CPNE5: variants seen among roughly 807,000 people sequenced by gnomAD.
CPNE5 encodes the protein copine 5, also known as copine-5.
CPNE5 carries 42 observed loss-of-function variants against 81.1 expected under a neutral mutation model. The observed-to-expected ratio is 0.52, with a 90% confidence interval of 0.40 to 0.67. The LOEUF (loss-of-function observed/expected upper bound fraction) is 0.67. CPNE5 is among the 30% of genes least tolerant of loss of function. CPNE5 has a pLI of 0.00. For synonymous variants in CPNE5, 313 were observed against 321.5 expected (o/e 0.97, Z 0.28); for missense variants, 612 against 815.5 (o/e 0.75, Z 3.04).
intron 20 of CPNE5, chr6:36,742,977 G>A (rs540519478): frequency 1.7e-5 from 17 of 985,336 alleles, no homozygotes; most frequent in Middle Eastern, 5.2e-4. Flanking sequence ...CATCCTGAGC[G>A]CCTCTTCTGG....
intron 1 of CPNE5, among the ~76,000 whole-genome samples, chr6:36,831,638 CAAAAAAAA>C (rs35409136): frequency 1.2e-5 from 1 of 83,932 alleles, no homozygotes; most frequent in African/African-American, 4.7e-5. Flanking sequence ...GACACCATCT[CAAAAAAAA>C]AAAAAAAAAA....
chr6:36,744,413 G>T, intron 18 of CPNE5, 88 bp from the exon 19 acceptor site: 2 of 1,012,902 alleles, frequency 2.0e-6, no homozygotes, highest in South Asian at 1.4e-5. Flanking sequence ...GGACAGGAAG[G>T]GGTGGGCAGG....
intron 3 of CPNE5, among the ~76,000 whole-genome samples, chr6:36,820,813 G>T (rs2150584017): frequency 6.6e-6 from 1 of 152,104 alleles, no homozygotes; most frequent in African/African-American, 2.4e-5. Flanking sequence ...GCCAGGCTTG[G>T]TGGCATGTGC....
chr6:36,828,234 C>A (rs1486896226), intron 1 of CPNE5, among the ~76,000 whole-genome samples: 2 of 145,068 alleles, frequency 1.4e-5, no homozygotes, highest in Non-Finnish European at 3.0e-5. Flanking sequence ...GAGGGAGGAT[C>A]ACTTGAGCTC....
intron 12 of CPNE5, among the ~76,000 whole-genome samples, chr6:36,760,700 G>A (rs1280856979): frequency 4.6e-5 from 7 of 152,316 alleles, no homozygotes; most frequent in South Asian, 4.1e-4. Flanking sequence ...AAGCCGGCTC[G>A]CCAGGAGGAC....
chr6:36,780,254 C>T (rs1767922660), intron 8 of CPNE5, among the ~76,000 whole-genome samples: 1 of 152,190 alleles, frequency 6.6e-6, no homozygotes. Flanking sequence ...TGAGCCACTG[C>T]ACCTGGCCCC....
rs12198675 is a variant in CPNE5, at chr6:36,766,581, A to T, written c.738-1205T>A. Among the ~76,000 whole-genome samples, 75,285 of 151,872 alleles carry T rather than the reference A, an allele frequency of 0.5. 19,291 individuals carry two copies. Among genetic ancestry groups the T allele is most frequent in the Non-Finnish European group, 0.57 (38,823 of 67,922 alleles). ...TGAATTATTGTGGAAAGGAAAAAAAAATCACCTAAGCCCCTGAAGGTGGGT... is the reference window on the plus strand; with the variant it reads ...TGAATTATTGTGGAAAGGAAAAAAATATCACCTAAGCCCCTGAAGGTGGGT... On this transcript the variant is annotated intron_variant, in intron 10 of 20. Coordinates refer to ENST00000244751, the MANE Select transcript of CPNE5 (RefSeq NM_020939.2). This position sits in a 1 kb window ranked among gnomAD's most constrained non-coding sequence, Gnocchi z 4.2.
rs1332893240 is a variant in CPNE5, at chr6:36,742,070, C to G, written c.*198G>C. On this transcript the variant is annotated 3_prime_UTR_variant, in exon 21 of 21. Coordinates refer to ENST00000244751, the MANE Select transcript of CPNE5 (RefSeq NM_020939.2). ...GTGTACCCCTCTTTCACCCGTACCC[C>G]CCTAACTCCCTGGGTTTGGGCAATA... 5 of 578,784 alleles carry G rather than the reference C, an allele frequency of 8.6e-6. No individual in the cohort carries two copies. The highest frequency in any genetic ancestry group is 1.5e-5 in the Non-Finnish European group (5 of 325,468). The allele number at this position is 578,784 out of a possible 1,614,324, so 35.9% of individuals were successfully genotyped here.
intron 8 of CPNE5, among the ~76,000 whole-genome samples, chr6:36,788,844 C>G (rs931530657): frequency 1.3e-5 from 2 of 152,294 alleles, no homozygotes; most frequent in Non-Finnish European, 2.9e-5. Flanking sequence ...TTTCTATAAC[C>G]TGTCAAACTA....
At chr6:36,743,411 T>C (rs1474920859) in intron 20 of CPNE5, among the ~76,000 whole-genome samples, 1 of 152,184 alleles carries the variant, frequency 6.6e-6, no homozygotes, top group Admixed American at 6.5e-5. Flanking sequence ...CACAGAGGCC[T>C]GGAGGCTGAG....
intron 12 of CPNE5, among the ~76,000 whole-genome samples, chr6:36,761,699 C>G (rs1020428324): frequency 6.6e-6 from 1 of 152,194 alleles, no homozygotes; most frequent in Non-Finnish European, 1.5e-5. Flanking sequence ...GTTCCATTAA[C>G]TTATTTAATT....
At chr6:36,812,644 CTG>C (rs944896702) in intron 3 of CPNE5, among the ~76,000 whole-genome samples, 49 of 152,366 alleles carry the variant, frequency 3.2e-4, no homozygotes, top group African/African-American at 1.1e-3. Flanking sequence ...GACCCTAAGA[CTG>C]TGAGTAGGTG....
At chr6:36,834,906 G>A (rs1283544600) in intron 1 of CPNE5, among the ~76,000 whole-genome samples, 2 of 151,816 alleles carry the variant, frequency 1.3e-5, no homozygotes, top group Non-Finnish European at 1.5e-5. Flanking sequence ...AGAAGAAAGC[G>A]CTCAGAGCTG....
intron 10 of CPNE5, among the ~76,000 whole-genome samples, chr6:36,769,537 C>A (rs945954196): frequency 6.6e-6 from 1 of 152,226 alleles, no homozygotes; most frequent in African/African-American, 2.4e-5. Flanking sequence ...GGTTTCCCTG[C>A]GGCTTACAAG....
chr6:36,744,113 C>T (rs976025564), intron 19 of CPNE5, among the ~76,000 whole-genome samples, 155 bp downstream of exon 19: 2 of 152,264 alleles, frequency 1.3e-5, no homozygotes, highest in African/African-American at 4.8e-5. Flanking sequence ...CCACACCCTG[C>T]ACACTCACCC....
chr6:36,829,233 T>C (rs1056023104), intron 1 of CPNE5, among the ~76,000 whole-genome samples: 5 of 152,094 alleles, frequency 3.3e-5, no homozygotes, highest in South Asian at 4.1e-4. Context: ...TGGTGGCTCA[T>C]GCCTATAATC....
Position 36,798,222 on chromosome 6 carries a change from A to G in CPNE5, c.347T>C (p.Phe116Ser), listed in dbSNP as rs1170202220. ...CCCCACAATCTCTCCAAGGGTGCAG[A>G]AGGCCTGGCCCAGGAAATCCTGCAT... Reference protein sequence around the residue: ...LSKHDFLGQAFCTLGEIVGSP... With the variant: ...LSKHDFLGQASCTLGEIVGSP... Residue 116 changes from phenylalanine (F) to serine (S), a missense_variant, in exon 6 of 21, where the codon TTC (phenylalanine) becomes TCC (serine). Physicochemically the swap from Phe to Ser is radical, Grantham distance 155. Coordinates refer to ENST00000244751, the MANE Select transcript of CPNE5 (RefSeq NM_020939.2). 6.2e-7 allele frequency: 1 copy of G among 1,613,712 alleles called. No homozygotes were observed. Among genetic ancestry groups the G allele is most frequent in the East Asian group, 2.2e-5 (1 of 44,870 alleles).
chr6:36,787,951 G>A (rs1041939267), intron 8 of CPNE5, among the ~76,000 whole-genome samples: 1 of 152,114 alleles, frequency 6.6e-6, no homozygotes, highest in South Asian at 2.1e-4. Context: ...TGGCTGACAG[G>A]TCTCTAGGGG....
At chr6:36,813,449 TGAACCCGG>T (rs1771278913) in intron 3 of CPNE5, among the ~76,000 whole-genome samples, 1 of 152,186 alleles carries the variant, frequency 6.6e-6, no homozygotes, top group African/African-American at 2.4e-5. Context: ...GAGAATCACT[TGAACCCGG>T]GAGGCAGAGG....
Sources: gnomAD v4.1 joint callset for allele counts (sites outside exome capture counted in the v4.1 genomes callset) on GRCh38, gnomAD v4.1.1 for gene constraint, Gnocchi (gnomAD v3.1) non-coding constraint, MANE v1.5 for transcripts, NCBI Gene and HGNC (gene_info 2026-07-23, HGNC 2026-07-21) for gene names.